Variants in ATRNL1 observed in about 807,000 individuals in gnomAD.
The protein encoded by ATRNL1 is attractin-like protein 1.
ATRNL1 carries 95 observed loss-of-function variants against 182.7 expected under a neutral mutation model. The ratio of observed to expected loss-of-function variants is 0.52; its 90% CI spans 0.44 to 0.62. ATRNL1 has a LOEUF of 0.62. ATRNL1 is among the 20% of genes least tolerant of loss of function. ATRNL1 has a pLI of 0.00. For missense variants in ATRNL1, 1,471 were observed against 1,679.5 expected (o/e 0.88, Z 2.17); for synonymous variants, 576 against 568.3 (o/e 1.01, Z -0.19).
chr10:115,491,815 A>G (rs1366195283), intron 24 of ATRNL1, among the ~76,000 whole-genome samples: 8 of 152,142 alleles, frequency 5.3e-5, no homozygotes, highest in Non-Finnish European at 1.0e-4. Context: ...TCTTGCAGCT[A>G]GCTCAGTGTC....
chr10:115,770,591 G>A (rs1236328679), intron 27 of ATRNL1, among the ~76,000 whole-genome samples: 2 of 152,040 alleles, frequency 1.3e-5, no homozygotes, highest in Admixed American at 1.3e-4. Context: ...ACTCACACAT[G>A]CAAAAATTGA....
chr10:115,332,636 T>G (rs1406582608), intron 18 of ATRNL1, among the ~76,000 whole-genome samples: 1 of 152,230 alleles, frequency 6.6e-6, no homozygotes, highest in African/African-American at 2.4e-5. Context: ...TGCATATTCT[T>G]TCTATAATGT....
chr10:115,685,533 A>C (rs1429938722), intron 26 of ATRNL1, among the ~76,000 whole-genome samples: 2 of 151,876 alleles, frequency 1.3e-5, no homozygotes, highest in Non-Finnish European at 3.0e-5. Context: ...AAAATGTGAG[A>C]ATCATCCATT....
At chr10:115,681,241 T>C (rs553398391) in intron 26 of ATRNL1, among the ~76,000 whole-genome samples, 1 of 152,180 alleles carries the variant, frequency 6.6e-6, no homozygotes, top group Non-Finnish European at 1.5e-5. Context: ...CTATGTCATG[T>C]GTTAATTAGA....
chr10:115,240,392 C>T (rs1017870641), intron 9 of ATRNL1, among the ~76,000 whole-genome samples: 13 of 151,904 alleles, frequency 8.6e-5, no homozygotes, highest in South Asian at 2.1e-4. Context: ...GCTGGGACTA[C>T]GGGCACGTGC....
chr10:115,341,609 T>G (rs1855755335), intron 19 of ATRNL1, among the ~76,000 whole-genome samples: 1 of 152,172 alleles, frequency 6.6e-6, no homozygotes, highest in African/African-American at 2.4e-5. Flanking sequence ...AGTGCAGTGT[T>G]GAAATCTCCA....
At chr10:115,169,206 C>CT (rs781950574) in intron 7 of ATRNL1, among the ~76,000 whole-genome samples, 3,009 of 125,948 alleles carry the variant, frequency 0.024, 62 homozygotes, top group African/African-American at 0.046. Flanking sequence ...GTTTTGATTA[C>CT]TTTTTTTTTT....
Position 115,636,336 on chromosome 10 carries a change from C to T in ATRNL1, c.3795+86800C>T, listed in dbSNP as rs557073050. ...ACCACATCCCTATCTCACAGAGAGACATCCTGCAGCCAGCCCTGGAAAATC... is the reference window on the plus strand; with the variant it reads ...ACCACATCCCTATCTCACAGAGAGATATCCTGCAGCCAGCCCTGGAAAATC... On this transcript the variant is annotated intron_variant, in intron 26 of 28. Coordinates refer to ENST00000355044, the MANE Select transcript of ATRNL1 (RefSeq NM_207303.4). 4.6e-5 allele frequency among the ~76,000 whole-genome samples: 7 copies of T among 152,246 alleles called. No homozygotes were observed. In the South Asian group the frequency reaches 1.5e-3, roughly 32 times the overall value.
intron 27 of ATRNL1, among the ~76,000 whole-genome samples, chr10:115,738,148 T>TG: frequency 8.6e-6 from 1 of 116,224 alleles, no homozygotes; most frequent in East Asian, 2.6e-4. Context: ...TTTTTTTTTT[T>TG]TTTTTTTTGA....
rs73376387 is a variant in ATRNL1 at position 115,203,212 on chromosome 10, A to T, written c.1349-12485A>T. On this transcript the variant is annotated intron_variant, in intron 8 of 28. Transcript: ENST00000355044. ...AATTTCTTTTATTATGGCCATCTAC[A>T]AGTATAAAAGTTTTCAAAAAAGTGG... Among the ~76,000 whole-genome samples, 487 of 152,276 alleles carry T rather than the reference A, an allele frequency of 3.2e-3. 2 individuals carry two copies. The highest frequency in any genetic ancestry group is 0.011 in the African/African-American group (451 of 41,570).
At chr10:115,594,055 G>A (rs1459060515) in intron 26 of ATRNL1, among the ~76,000 whole-genome samples, 2 of 151,866 alleles carry the variant, frequency 1.3e-5, no homozygotes, top group South Asian at 2.1e-4. Context: ...ATTTATATCA[G>A]CTGTGACATA....
intron 18 of ATRNL1, among the ~76,000 whole-genome samples, chr10:115,327,484 G>T (rs2134052233): frequency 6.6e-6 from 1 of 150,612 alleles, no homozygotes. Flanking sequence ...TTACACTGTT[G>T]GTGGGACTGT....
chr10:115,783,332 T>C (rs926542216), intron 27 of ATRNL1, among the ~76,000 whole-genome samples: 2 of 151,976 alleles, frequency 1.3e-5, no homozygotes, highest in Non-Finnish European at 2.9e-5. Context: ...CTGATAAAAA[T>C]CCGTAGACAT....
At chr10:115,588,699 C>A (rs1855724335) in intron 26 of ATRNL1, among the ~76,000 whole-genome samples, 1 of 152,094 alleles carries the variant, frequency 6.6e-6, no homozygotes, top group African/African-American at 2.4e-5. Flanking sequence ...GATTTTCCTA[C>A]CCGTGTTGGT....
intron 20 of ATRNL1, among the ~76,000 whole-genome samples, chr10:115,416,061 C>T (rs1201159630): frequency 6.6e-6 from 1 of 152,024 alleles, no homozygotes; most frequent in Admixed American, 6.6e-5. Context: ...GCATTGAGAT[C>T]AACTTTTCTA....
intron 20 of ATRNL1, among the ~76,000 whole-genome samples, chr10:115,412,566 T>G (rs1399598764): frequency 6.6e-6 from 1 of 152,240 alleles, no homozygotes; most frequent in Non-Finnish European, 1.5e-5. Flanking sequence ...ATCCAAGTAC[T>G]CTGATATTTT....
chr10:115,675,928 C>T (rs962656530), intron 26 of ATRNL1, among the ~76,000 whole-genome samples: 2 of 152,002 alleles, frequency 1.3e-5, no homozygotes, highest in African/African-American at 4.8e-5. Flanking sequence ...GAATCCAGGC[C>T]GTCTGTCTCC....
At chr10:115,225,694 A>G (rs1849667743) in intron 9 of ATRNL1, among the ~76,000 whole-genome samples, 1 of 151,096 alleles carries the variant, frequency 6.6e-6, no homozygotes, top group South Asian at 2.1e-4. Flanking sequence ...AGAAAACTAT[A>G]AAACCTTATT....
chr10:115,569,171 C>T lies in ATRNL1; in HGVS notation c.3795+19635C>T, dbSNP rs540504213. On this transcript the variant is annotated intron_variant, in intron 26 of 28. Coordinates refer to ENST00000355044, the MANE Select transcript of ATRNL1 (RefSeq NM_207303.4). ...CCTCTACTACATATTACTCTTGTCACTTATCAATATAACTTGGATATCTTT... is the reference window on the plus strand; with the variant it reads ...CCTCTACTACATATTACTCTTGTCATTTATCAATATAACTTGGATATCTTT... 3.3e-5 allele frequency among the ~76,000 whole-genome samples: 5 copies of T among 152,246 alleles called. No individual in the cohort carries two copies. In the East Asian group the frequency reaches 5.8e-4, roughly 18 times the overall value.
Sources: allele counts gnomAD v4.1 joint callset (sites outside exome capture counted in the v4.1 genomes callset), GRCh38; gene constraint gnomAD v4.1.1; transcripts MANE v1.5; gene names NCBI Gene and HGNC (gene_info 2026-07-23, HGNC 2026-07-21).